PLXNC1: variants seen among roughly 807,000 people sequenced by gnomAD.
PLXNC1 encodes the protein plexin C1, also known as plexin-C1.
PLXNC1 carries 75 observed loss-of-function variants against 178.2 expected under a neutral mutation model. The ratio of observed to expected loss-of-function variants is 0.42; its 90% confidence interval spans 0.35 to 0.51. The LOEUF is 0.51. PLXNC1 is among the 20% of genes least tolerant of loss of function. The pLI, the probability that PLXNC1 is intolerant of heterozygous loss-of-function variation, is 0.02. For synonymous variants in PLXNC1, 790 were observed against 779.9 expected, an observed-to-expected ratio of 1.01 and a Z score of -0.22; for missense variants, 1,503 against 1,984.4, an observed-to-expected ratio of 0.76 and a Z score of 4.61.
At chr12:94,179,639 G>T (rs10859681) in intron 2 of PLXNC1, among the ~76,000 whole-genome samples, 77,248 of 150,968 alleles carry the variant, frequency 0.51, 20,701 homozygotes, top group South Asian at 0.68. Flanking sequence ...TATTCAGGAG[G>T]CTGAGGCAAG....
At chr12:94,262,332 C>T (rs1965012772) in intron 20 of PLXNC1, among the ~76,000 whole-genome samples, 1 of 152,236 alleles carries the variant, frequency 6.6e-6, no homozygotes, top group East Asian at 1.9e-4. Context: ...TGTTTTCAAT[C>T]CACCAAATGA....
At chr12:94,187,770 C>T (rs1413839390) in intron 4 of PLXNC1, among the ~76,000 whole-genome samples, 1 of 152,146 alleles carries the variant, frequency 6.6e-6, no homozygotes, top group Non-Finnish European at 1.5e-5. Context: ...GAGCTAGCGG[C>T]TAACGTATTA....
At chr12:94,164,776 TTCTC>T (rs1228826255) in intron 1 of PLXNC1, among the ~76,000 whole-genome samples, 1 of 151,804 alleles carries the variant, frequency 6.6e-6, no homozygotes, top group Non-Finnish European at 1.5e-5. Flanking sequence ...CCAAAGCTCT[TTCTC>T]TCTTTCAGCC....
chr12:94,279,802 A>G (rs1290579528), intron 22 of PLXNC1, 153 bp downstream of exon 22: 3 of 743,570 alleles, frequency 4.0e-6, no homozygotes, highest in Non-Finnish European at 7.2e-6. Context: ...TCTAGGGGCC[A>G]AGAGACTGCT....
Position 94,149,902 on chromosome 12 carries a change from A to G in PLXNC1, c.931A>G (p.Ser311Gly). Reference sequence around the variant, plus strand: ...CCTGGACGTCTGGGCGGGAGTGTTCAGCGCGGCCGCTGGAGAGGGCCAGGA... The same window carrying G: ...CCTGGACGTCTGGGCGGGAGTGTTCGGCGCGGCCGCTGGAGAGGGCCAGGA... ...EALDVWAGVFSAAAGEGQERR... is the reference protein window; with the variant it reads ...EALDVWAGVFGAAAGEGQERR... Residue 311 changes from serine to glycine, a missense_variant, in exon 1 of 31, where the codon AGC becomes GGC. Ser to Gly is a moderately conservative substitution (Grantham distance 56). This residue lies in a region of PLXNC1 where 615 missense variants were observed against 698.6 expected (regional missense o/e 0.88). Transcript: ENST00000258526. 6.3e-7 allele frequency: 1 copy of G among 1,589,148 alleles called. No individual in the cohort carries two copies. Among genetic ancestry groups the G allele is most frequent in the Non-Finnish European group, 8.6e-7 (1 of 1,168,682 alleles).
At chr12:94,170,608 T>C (rs893743411) in intron 2 of PLXNC1, among the ~76,000 whole-genome samples, 7 of 152,136 alleles carry the variant, frequency 4.6e-5, no homozygotes, top group African/African-American at 1.7e-4. Context: ...CCAAATGTCT[T>C]GCCTGGAGAC....
chr12:94,205,515 C>G (rs1363974348), intron 4 of PLXNC1, among the ~76,000 whole-genome samples: 1 of 152,122 alleles, frequency 6.6e-6, no homozygotes, highest in African/African-American at 2.4e-5. Flanking sequence ...AACATTATTT[C>G]TATGGGGGAA....
intron 4 of PLXNC1, among the ~76,000 whole-genome samples, chr12:94,199,942 G>A (rs1033441883): frequency 1.3e-5 from 2 of 152,156 alleles, no homozygotes; most frequent in African/African-American, 4.8e-5. Context: ...CTACAGGCGC[G>A]TGCCACCATG....
At chr12:94,214,308 A>C (rs1184395487) in intron 5 of PLXNC1, among the ~76,000 whole-genome samples, 1 of 152,010 alleles carries the variant, frequency 6.6e-6, no homozygotes, top group East Asian at 1.9e-4. Context: ...GCTGGTCTCA[A>C]ACCCCTGGGC....
At chr12:94,205,147 G>A (rs1032911873) in intron 4 of PLXNC1, among the ~76,000 whole-genome samples, 35 of 152,130 alleles carry the variant, frequency 2.3e-4, no homozygotes, top group African/African-American at 8.2e-4. Context: ...CCCCCAGCCC[G>A]GCCCATGGGT....
intron 12 of PLXNC1, among the ~76,000 whole-genome samples, chr12:94,244,583 G>A (rs542657851): frequency 6.6e-6 from 1 of 152,314 alleles, no homozygotes; most frequent in African/African-American, 2.4e-5. Context: ...ACCTTTGCCC[G>A]ATTCTCCCAC....
intron 1 of PLXNC1, among the ~76,000 whole-genome samples, chr12:94,160,490 C>T (rs1018720685): frequency 6.6e-6 from 1 of 152,198 alleles, no homozygotes; most frequent in African/African-American, 2.4e-5. Context: ...AAGCGTGTTA[C>T]CTAACACACC....
chr12:94,174,375 G>T (rs1252004956), intron 2 of PLXNC1, among the ~76,000 whole-genome samples: 1 of 151,806 alleles, frequency 6.6e-6, no homozygotes, highest in Non-Finnish European at 1.5e-5. Flanking sequence ...ACAGGGTTTT[G>T]CCATGTTGCC....
At chr12:94,284,873 A>T (rs977120377) in intron 23 of PLXNC1, among the ~76,000 whole-genome samples, 6 of 152,160 alleles carry the variant, frequency 3.9e-5, no homozygotes, top group African/African-American at 1.4e-4. Flanking sequence ...TGAAGCAGGG[A>T]GGTTAGTATT....
At chr12:94,227,501 C>T (rs113775732) in intron 9 of PLXNC1, 15 of 299,044 alleles carry the variant, frequency 5.0e-5, no homozygotes, top group Middle Eastern at 2.3e-3. Context: ...GGTGACTTTG[C>T]GGCTCACTGG....
chr12:94,262,347 C>T (rs893469078), intron 20 of PLXNC1, among the ~76,000 whole-genome samples: 15 of 152,212 alleles, frequency 9.9e-5, no homozygotes, highest in African/African-American at 3.6e-4. Context: ...AAATGACAGG[C>T]GTGTGTGGGC....
At chr12:94,247,523 A>T (rs1431525873) in intron 12 of PLXNC1, among the ~76,000 whole-genome samples, 3 of 152,082 alleles carry the variant, frequency 2.0e-5, no homozygotes, top group Admixed American at 2.0e-4. Flanking sequence ...GACCCCAAGG[A>T]CACCTAAGCC....
intron 21 of PLXNC1, among the ~76,000 whole-genome samples, chr12:94,268,911 G>A (rs1965413754): frequency 6.6e-6 from 1 of 152,038 alleles, no homozygotes; most frequent in Non-Finnish European, 1.5e-5. Context: ...AAGACCTATT[G>A]CTCTGCTGGG....
chr12:94,174,541 T>G (rs1049697269), intron 2 of PLXNC1, among the ~76,000 whole-genome samples: 1 of 152,232 alleles, frequency 6.6e-6, no homozygotes, highest in Admixed American at 6.5e-5. Context: ...AAGTTCTGTC[T>G]GAATTCAAAC....
Sources: gnomAD v4.1 joint callset for allele counts (sites outside exome capture counted in the v4.1 genomes callset) on GRCh38, gnomAD v4.1.1 for gene constraint, gnomAD v4.1.1 regional missense constraint, MANE v1.5 for transcripts, NCBI Gene and HGNC (gene_info 2026-07-23, HGNC 2026-07-21) for gene names.